MECOM: variants seen among roughly 807,000 people sequenced by gnomAD.
MECOM encodes histone-lysine N-methyltransferase MECOM.
Under a neutral mutation model 116.3 loss-of-function variants are expected in MECOM, and 13 were observed. The observed-to-expected ratio is 0.11, with a 90% confidence interval of 0.07 to 0.18. MECOM has a LOEUF of 0.18. MECOM is among the 10% of genes least tolerant of loss of function. MECOM has a pLI of 1.00. For synonymous variants in MECOM, 528 were observed against 535.2 expected (o/e 0.99, Z 0.19); for missense variants, 1,299 against 1,509.0 (o/e 0.86, Z 2.31).
chr3:169,313,337 G>C (rs1035280015), intron 2 of MECOM, among the ~76,000 whole-genome samples: 1 of 152,180 alleles, frequency 6.6e-6, no homozygotes, highest in Non-Finnish European at 1.5e-5. Context: ...GAAAAATAAT[G>C]CAATAGCTGG....
chr3:169,365,930 AT>A (rs1165896218), intron 2 of MECOM, among the ~76,000 whole-genome samples: 8 of 152,044 alleles, frequency 5.3e-5, no homozygotes, highest in African/African-American at 1.9e-4. Context: ...TCTATCAAGC[AT>A]CTATTTCTTT....
intron 1 of MECOM, among the ~76,000 whole-genome samples, chr3:169,619,356 TA>T (rs1577137582): frequency 6.6e-6 from 1 of 152,008 alleles, no homozygotes; most frequent in East Asian, 1.9e-4. Flanking sequence ...ATCCCACAAA[TA>T]AGGCTGGGCT....
intron 1 of MECOM, among the ~76,000 whole-genome samples, chr3:169,399,737 G>A (rs1735575647): frequency 6.6e-6 from 1 of 152,178 alleles, no homozygotes; most frequent in Admixed American, 6.5e-5. Flanking sequence ...TTTTTGTGGA[G>A]TTTTTTAAAG....
At chr3:169,404,971 G>A (rs955600002) in intron 1 of MECOM, among the ~76,000 whole-genome samples, 1 of 152,126 alleles carries the variant, frequency 6.6e-6, no homozygotes, top group Admixed American at 6.5e-5. Flanking sequence ...CACAGATCCA[G>A]GCCTCCATAT....
rs189888299 is a variant in MECOM, at chr3:169,232,886, C to G, written c.376-89054G>C. On this transcript the variant is annotated intron_variant, in intron 2 of 16. Coordinates refer to ENST00000651503, the MANE Select transcript of MECOM (RefSeq NM_004991.4). Reference sequence around the variant, plus strand: ...TAACAACCTCTACCTTTATAAGCAGCCTTTTCATGTATATTTACTTGAAAA... The same window carrying G: ...TAACAACCTCTACCTTTATAAGCAGGCTTTTCATGTATATTTACTTGAAAA... Among the ~76,000 whole-genome samples the G allele has an allele frequency of 5.3e-5, 8 of 152,114 alleles. No individual in the cohort carries two copies. The East Asian group carries it at 5.8e-4, about 11-fold the overall frequency.
intron 2 of MECOM, among the ~76,000 whole-genome samples, chr3:169,359,862 T>C (rs897106166): frequency 6.6e-6 from 1 of 151,756 alleles, no homozygotes; most frequent in Non-Finnish European, 1.5e-5. Flanking sequence ...AAGAGAGACC[T>C]TAGGCTATAG....
intron 1 of MECOM, among the ~76,000 whole-genome samples, chr3:169,544,377 C>A (rs985035057): frequency 9.9e-5 from 15 of 152,034 alleles, no homozygotes; most frequent in Admixed American, 9.8e-4. Context: ...GGGTATATAC[C>A]CAGTAATGGT....
chr3:169,418,476 T>A (rs953261777), intron 1 of MECOM, among the ~76,000 whole-genome samples: 4 of 152,166 alleles, frequency 2.6e-5, no homozygotes, highest in African/African-American at 9.7e-5. Flanking sequence ...ATATCCCGGA[T>A]GAACATCAAT....
At chr3:169,369,227 G>A (rs1024997448) in intron 2 of MECOM, among the ~76,000 whole-genome samples, 2 of 151,908 alleles carry the variant, frequency 1.3e-5, no homozygotes, top group African/African-American at 2.4e-5. Context: ...GTGAATGTAG[G>A]AAAGGGGACA....
At chr3:169,386,521 A>T (rs1228147522) in intron 1 of MECOM, among the ~76,000 whole-genome samples, 1 of 152,156 alleles carries the variant, frequency 6.6e-6, no homozygotes, top group East Asian at 1.9e-4. Flanking sequence ...TGACTTTTTC[A>T]TTGGATTATA....
At chr3:169,550,387 C>T (rs530522110) in intron 1 of MECOM, among the ~76,000 whole-genome samples, 2 of 152,306 alleles carry the variant, frequency 1.3e-5, no homozygotes, top group South Asian at 4.1e-4. Context: ...GGTAAACAAA[C>T]TTCTTGATCC....
intron 1 of MECOM, among the ~76,000 whole-genome samples, chr3:169,554,360 C>T (rs1307459364): frequency 6.6e-6 from 1 of 152,198 alleles, no homozygotes; most frequent in Non-Finnish European, 1.5e-5. Flanking sequence ...AACAACATCA[C>T]TTCAATTATG....
intron 1 of MECOM, among the ~76,000 whole-genome samples, chr3:169,382,869 A>AAT (rs1732676549): frequency 1.2e-5 from 1 of 83,852 alleles, no homozygotes; most frequent in African/African-American, 4.2e-5. Context: ...AAAAAATAAA[A>AAT]AAAATAAAAA....
intron 5 of MECOM, among the ~76,000 whole-genome samples, chr3:169,126,164 A>C (rs1732765098): frequency 6.6e-6 from 1 of 152,124 alleles, no homozygotes; most frequent in Non-Finnish European, 1.5e-5. Context: ...GACTGAATCA[A>C]CTAAACTAAC....
chr3:169,185,732 C>T (rs1398554263), intron 2 of MECOM, among the ~76,000 whole-genome samples: 1 of 152,176 alleles, frequency 6.6e-6, no homozygotes, highest in Non-Finnish European at 1.5e-5. Flanking sequence ...CTAGATCATT[C>T]TATCATAATT....
intron 5 of MECOM, among the ~76,000 whole-genome samples, chr3:169,123,301 GGA>G (rs1731678081): frequency 2.3e-5 from 3 of 131,130 alleles, no homozygotes; most frequent in Non-Finnish European, 5.0e-5. Flanking sequence ...ATATATGCAT[GGA>G]TGTGTGTGTG....
chr3:169,122,508 T>TC, intron 6 of MECOM, 72 bp downstream of exon 6: 1 of 1,548,766 alleles, frequency 6.5e-7, no homozygotes, highest in Non-Finnish European at 8.8e-7. Flanking sequence ...TTTTTATATA[T>TC]CGTAGCAAGT....
intron 1 of MECOM, among the ~76,000 whole-genome samples, chr3:169,660,446 T>C (rs1345685803): frequency 2.0e-5 from 3 of 152,090 alleles, no homozygotes; most frequent in African/African-American, 7.2e-5. Flanking sequence ...ATTCAGTGGG[T>C]ATTTTCAGGG....
At chr3:169,202,708 G>A (rs1749329632) in intron 2 of MECOM, among the ~76,000 whole-genome samples, 1 of 150,600 alleles carries the variant, frequency 6.6e-6, no homozygotes, top group South Asian at 2.1e-4. Flanking sequence ...TGTCCAGGGA[G>A]TGTACAACTG....
Sources: allele counts gnomAD v4.1 joint callset (sites outside exome capture counted in the v4.1 genomes callset), GRCh38; gene constraint gnomAD v4.1.1; transcripts MANE v1.5; gene names NCBI Gene and HGNC (gene_info 2026-07-23, HGNC 2026-07-21).